SRD5A2: variants seen among roughly 807,000 people sequenced by gnomAD.
SRD5A2 encodes 3-oxo-5-alpha-steroid 4-dehydrogenase 2.
A neutral mutation model predicts 27.4 loss-of-function variants in SRD5A2; 30 were observed. The observed-to-expected ratio is 1.10, with a 90% CI of 0.82 to 1.49. The LOEUF is 1.49. SRD5A2 is among the 40% of genes most tolerant of loss of function. The pLI, the probability that SRD5A2 is intolerant of heterozygous loss-of-function variation, is 0.00. For missense variants in SRD5A2, 348 were observed against 323.4 expected, an observed-to-expected ratio of 1.08 and a Z score of -0.58; for synonymous variants, 141 against 133.6, an observed-to-expected ratio of 1.06 and a Z score of -0.38.
chr2:31,629,149 G>A, the SRD5A2 span, among the ~76,000 whole-genome samples: 1 of 152,104 alleles, frequency 6.6e-6, no homozygotes, highest in Non-Finnish European at 1.5e-5. Context: ...TCTACCCATG[G>A]AGAAGGTTTG....
the SRD5A2 span, among the ~76,000 whole-genome samples, chr2:31,593,398 G>A: frequency 6.6e-6 from 1 of 152,024 alleles, no homozygotes; most frequent in Non-Finnish European, 1.5e-5. Flanking sequence ...AAATACACTG[G>A]AAAGGTTCAA....
At chr2:31,607,128 G>A in the SRD5A2 span, among the ~76,000 whole-genome samples, 1 of 151,724 alleles carries the variant, frequency 6.6e-6, no homozygotes, top group Non-Finnish European at 1.5e-5. Flanking sequence ...GAAAAAGTTG[G>A]AAAAAAACAT....
At chr2:31,614,429 T>C in the SRD5A2 span, among the ~76,000 whole-genome samples, 2 of 152,254 alleles carry the variant, frequency 1.3e-5, no homozygotes, top group Non-Finnish European at 2.9e-5. Flanking sequence ...CTTGGGCAGC[T>C]CTGCCCCTGT....
intron 1 of SRD5A2, among the ~76,000 whole-genome samples, chr2:31,571,913 C>T (rs1666856243): frequency 6.6e-6 from 1 of 151,704 alleles, no homozygotes. Flanking sequence ...CTATACACTG[C>T]TAGGAGGAAT....
intron 1 of SRD5A2, among the ~76,000 whole-genome samples, chr2:31,548,056 A>C (rs1666299843): frequency 6.6e-6 from 1 of 152,096 alleles, no homozygotes; most frequent in Non-Finnish European, 1.5e-5. Flanking sequence ...AAAATAAATA[A>C]ATTAGACCCT....
the SRD5A2 span, among the ~76,000 whole-genome samples, chr2:31,612,389 T>C: frequency 1.3e-5 from 2 of 151,688 alleles, no homozygotes; most frequent in African/African-American, 4.8e-5. Context: ...CAGTGAACTA[T>C]CCAAAGAATT....
At chr2:31,545,854 G>A (rs1266187328) in intron 1 of SRD5A2, among the ~76,000 whole-genome samples, 1 of 152,066 alleles carries the variant, frequency 6.6e-6, no homozygotes, top group African/African-American at 2.4e-5. Context: ...GTTAATAGAC[G>A]AATTAAGCAA....
the SRD5A2 span, among the ~76,000 whole-genome samples, chr2:31,588,871 C>T: frequency 6.6e-6 from 1 of 152,068 alleles, no homozygotes; most frequent in Non-Finnish European, 1.5e-5. Flanking sequence ...GCAGACAGAA[C>T]TAACATGCAG....
the SRD5A2 span, among the ~76,000 whole-genome samples, chr2:31,632,230 G>A: frequency 6.6e-6 from 1 of 152,050 alleles, no homozygotes; most frequent in Non-Finnish European, 1.5e-5. Flanking sequence ...TGGGACAAAC[G>A]ACATAAGAAA....
At chr2:31,551,631 G>C (rs1666382311) in intron 1 of SRD5A2, among the ~76,000 whole-genome samples, 1 of 152,112 alleles carries the variant, frequency 6.6e-6, no homozygotes, top group Admixed American at 6.6e-5. Context: ...ACTGCGTATG[G>C]TTTCTACTGA....
the SRD5A2 span, among the ~76,000 whole-genome samples, chr2:31,603,712 C>T: frequency 6.6e-6 from 1 of 151,868 alleles, no homozygotes; most frequent in Non-Finnish European, 1.5e-5. Context: ...ACTATGCAGC[C>T]ATAAAAAGGA....
At chr2:31,652,317 A>G in the SRD5A2 span, among the ~76,000 whole-genome samples, 25 of 152,288 alleles carry the variant, frequency 1.6e-4, 1 homozygote, top group East Asian at 4.4e-3. Context: ...GTGAAATTCT[A>G]TTGGGAAATA....
chr2:31,657,533 G>C, the SRD5A2 span, among the ~76,000 whole-genome samples: 1 of 152,124 alleles, frequency 6.6e-6, no homozygotes, highest in Non-Finnish European at 1.5e-5. Flanking sequence ...TGTGAGTACA[G>C]GTGTGAGCTA....
chr2:31,567,877 G>C (rs955924336), intron 1 of SRD5A2, among the ~76,000 whole-genome samples: 1 of 152,016 alleles, frequency 6.6e-6, no homozygotes, highest in South Asian at 2.1e-4. Context: ...GGCTGCACTT[G>C]GCTCATGCTA....
At chr2:31,623,387 A>G in the SRD5A2 span, among the ~76,000 whole-genome samples, 1 of 152,134 alleles carries the variant, frequency 6.6e-6, no homozygotes, top group African/African-American at 2.4e-5. Context: ...ACATTTACTT[A>G]GGAATGTATT....
chr2:31,571,615 T>A (rs1666851214), intron 1 of SRD5A2, among the ~76,000 whole-genome samples: 1 of 152,222 alleles, frequency 6.6e-6, no homozygotes, highest in African/African-American at 2.4e-5. Flanking sequence ...ATCTGCAAAC[T>A]GTGCATCTGA....
the SRD5A2 span, among the ~76,000 whole-genome samples, chr2:31,622,469 A>G: frequency 1.3e-5 from 2 of 152,132 alleles, no homozygotes; most frequent in African/African-American, 2.4e-5. Flanking sequence ...AGTTGGCAAG[A>G]GCTCAGGTGA....
intron 1 of SRD5A2, among the ~76,000 whole-genome samples, chr2:31,553,042 T>C (rs1365133484): frequency 6.6e-6 from 1 of 152,066 alleles, no homozygotes; most frequent in Non-Finnish European, 1.5e-5. Context: ...AGGAAAGTAA[T>C]ACCTGAAAAA....
intron 4 of SRD5A2, among the ~76,000 whole-genome samples, chr2:31,528,863 G>A (rs1381918615): frequency 1.3e-5 from 2 of 152,218 alleles, no homozygotes; most frequent in African/African-American, 4.8e-5. Flanking sequence ...CCAGAAATGT[G>A]GTGGGAGGGG....
Sources: allele counts gnomAD v4.1 joint callset (sites outside exome capture counted in the v4.1 genomes callset), GRCh38; gene constraint gnomAD v4.1.1; transcripts MANE v1.5; gene names NCBI Gene and HGNC (gene_info 2026-07-23, HGNC 2026-07-21).